Variants in MCTP1 observed in about 807,000 individuals in gnomAD.
The protein encoded by MCTP1 is multiple C2 and transmembrane domain containing 1.
In MCTP1, 69 loss-of-function variants were observed where a neutral mutation model predicts 120.6. The observed-to-expected ratio is 0.57, with a 90% CI of 0.47 to 0.70. MCTP1 has a LOEUF of 0.70. Among genes scored for constraint, MCTP1 ranks in the 30% least tolerant of loss-of-function variants. The pLI is 0.00. For synonymous variants in MCTP1, 529 were observed against 493.1 expected (o/e 1.07, Z -0.96); for missense variants, 1,203 against 1,248.8 (o/e 0.96, Z 0.55).
At chr5:95,275,720 T>G (rs1759773470) in intron 1 of MCTP1, among the ~76,000 whole-genome samples, 1 of 152,160 alleles carries the variant, frequency 6.6e-6, no homozygotes, top group Admixed American at 6.5e-5. Context: ...ATTTTACACT[T>G]ATAGCCCATC....
Position 95,006,605 on chromosome 5 carries a change from T to G in MCTP1, c.838+10762A>C, listed in dbSNP as rs116128977. ...ACTAGCAACATGTTCAATTCATGAT[T>G]TTAGCACAAAAACACAACATGACAG... On this transcript the variant is annotated intron_variant, in intron 2 of 22. Transcript: ENST00000515393. 6.0e-3 allele frequency among the ~76,000 whole-genome samples: 918 copies of G among 152,250 alleles called. 6 individuals carry two copies. Among genetic ancestry groups the G allele is most frequent in the Non-Finnish European group, 0.011 (747 of 68,012 alleles).
At chr5:94,871,033 A>C (rs1333988590) in intron 14 of MCTP1, 60 bp from the exon 15 acceptor site, 2 of 1,363,824 alleles carry the variant, frequency 1.5e-6, no homozygotes, top group African/African-American at 2.9e-5. Flanking sequence ...ACACTCCCTC[A>C]GTGACCTTTG....
At chr5:95,002,270 T>A (rs1375076456) in intron 2 of MCTP1, among the ~76,000 whole-genome samples, 1 of 152,106 alleles carries the variant, frequency 6.6e-6, no homozygotes, top group African/African-American at 2.4e-5. Flanking sequence ...AAATGCGGGG[T>A]TGGAGCCTCG....
chr5:94,851,081 C>T (rs1793593387), intron 17 of MCTP1, among the ~76,000 whole-genome samples: 1 of 152,072 alleles, frequency 6.6e-6, no homozygotes, highest in Non-Finnish European at 1.5e-5. Context: ...ATAAAGGAAT[C>T]TGATTTTCAC....
chr5:95,205,609 G>T (rs1480724958), intron 1 of MCTP1, among the ~76,000 whole-genome samples: 2 of 152,006 alleles, frequency 1.3e-5, no homozygotes, highest in African/African-American at 4.8e-5. Context: ...CTTGTATCTA[G>T]AATATATAAA....
intron 1 of MCTP1, among the ~76,000 whole-genome samples, chr5:95,109,582 G>A (rs1757315459): frequency 6.6e-6 from 1 of 152,090 alleles, no homozygotes; most frequent in South Asian, 2.1e-4. Flanking sequence ...AAGAGACAGA[G>A]CTGGATCATC....
At chr5:95,052,462 T>C (rs1301003140) in intron 1 of MCTP1, among the ~76,000 whole-genome samples, 1 of 152,220 alleles carries the variant, frequency 6.6e-6, no homozygotes, top group Non-Finnish European at 1.5e-5. Context: ...GTATTTTATC[T>C]GGCAATCTTT....
chr5:95,211,090 C>T (rs1319971978), intron 1 of MCTP1, among the ~76,000 whole-genome samples: 1 of 151,878 alleles, frequency 6.6e-6, no homozygotes, highest in African/African-American at 2.4e-5. Flanking sequence ...CGACCTTTCT[C>T]TCTGGCTGCC....
chr5:95,087,726 G>A (rs73140046), intron 1 of MCTP1, among the ~76,000 whole-genome samples: 1 of 152,112 alleles, frequency 6.6e-6, no homozygotes, highest in South Asian at 2.1e-4. Context: ...CTGGGGTAGG[G>A]TGCTAGAGGC....
intron 2 of MCTP1, among the ~76,000 whole-genome samples, chr5:94,969,624 G>C (rs2153573421): frequency 6.6e-6 from 1 of 152,058 alleles, no homozygotes; most frequent in East Asian, 1.9e-4. Context: ...AAAGACAAAA[G>C]AAAAAAAGCA....
rs559903338 is a variant in MCTP1 at position 95,026,904 on chromosome 5, G to C, written c.721-9420C>G. Among the ~76,000 whole-genome samples, 70 of 152,222 alleles carry C rather than the reference G, an allele frequency of 4.6e-4. 1 individual carries two copies. The South Asian group carries it at 0.014, about 31-fold the overall frequency. On this transcript the variant is annotated intron_variant, in intron 1 of 22. Transcript: ENST00000515393. ...TAGCAATGTTGTCAAAGATATCATTGAAGATTTCTACTTAGTCATGACCAG... is the reference window on the plus strand; with the variant it reads ...TAGCAATGTTGTCAAAGATATCATTCAAGATTTCTACTTAGTCATGACCAG...
Position 94,755,672 on chromosome 5 carries a change from A to T in MCTP1, c.2610+23438T>A, listed in dbSNP as rs999584508. 3.3e-5 allele frequency among the ~76,000 whole-genome samples: 5 copies of T among 151,552 alleles called. No individual in the cohort carries two copies. The East Asian group carries it at 9.7e-4, about 29-fold the overall frequency. On this transcript the variant is annotated intron_variant, in intron 19 of 22. Transcript: ENST00000515393. ...GGACCCTTCGGATTCCCCTCCTATC[A>T]CTCTGAAGACTCCTTTTCAGTATAT...
chr5:94,894,766 A>C lies in MCTP1; in HGVS notation c.1722T>G (p.Gly574=), dbSNP rs539820354. 11 of 1,612,084 alleles carry C rather than the reference A, an allele frequency of 6.8e-6. No homozygotes were observed. The East Asian group carries it at 2.2e-4, about 33-fold the overall frequency. Reference sequence around the variant, plus strand: ...TGACCAGCAGCACCAGGTGTCCCTCACCCTCTTCCAGCTGCAACTCCAGCT... The same window carrying C: ...TGACCAGCAGCACCAGGTGTCCCTCCCCCTCTTCCAGCTGCAACTCCAGCT... The part of the protein sequence containing the change: ...THKLELQLEE[G]EGHLVLLVTL... The change falls in exon 11 of 23, where the codon GGT becomes GGG. Residue 574 remains glycine, a synonymous_variant. Transcript: ENST00000515393.
At chr5:95,138,499 C>T (rs975524861) in intron 1 of MCTP1, among the ~76,000 whole-genome samples, 7 of 152,144 alleles carry the variant, frequency 4.6e-5, no homozygotes, top group South Asian at 2.1e-4. Context: ...CTGTTCTTTC[C>T]GTTTAAGTTT....
intron 1 of MCTP1, among the ~76,000 whole-genome samples, chr5:95,021,206 G>A (rs534912417): frequency 6.6e-6 from 1 of 152,034 alleles, no homozygotes; most frequent in East Asian, 1.9e-4. Flanking sequence ...TCCTTGTCAG[G>A]TTGTGAGCAT....
intron 1 of MCTP1, among the ~76,000 whole-genome samples, chr5:95,050,372 C>T (rs1291448795): frequency 1.3e-5 from 2 of 152,116 alleles, no homozygotes; most frequent in East Asian, 3.8e-4. Flanking sequence ...TATAACTTAG[C>T]TGGGATTCCT....
At chr5:94,854,533 G>A (rs940032402) in intron 17 of MCTP1, among the ~76,000 whole-genome samples, 1 of 151,822 alleles carries the variant, frequency 6.6e-6, no homozygotes, top group Non-Finnish European at 1.5e-5. Context: ...ACCTAGTCTG[G>A]TTCCATGTCA....
intron 2 of MCTP1, among the ~76,000 whole-genome samples, chr5:94,956,355 T>C (rs948449317): frequency 1.3e-5 from 2 of 152,172 alleles, no homozygotes; most frequent in Non-Finnish European, 2.9e-5. Flanking sequence ...AGAATGCCTC[T>C]TCTCCTCCAA....
intron 19 of MCTP1, among the ~76,000 whole-genome samples, chr5:94,715,098 T>C (rs1758597894): frequency 2.0e-5 from 3 of 151,982 alleles, no homozygotes; most frequent in Admixed American, 2.0e-4. Flanking sequence ...CTTGTAAAGA[T>C]GGCTGCAAAG....
Sources: gnomAD v4.1 joint callset for allele counts (sites outside exome capture counted in the v4.1 genomes callset) on GRCh38, gnomAD v4.1.1 for gene constraint, MANE v1.5 for transcripts, NCBI Gene and HGNC (gene_info 2026-07-23, HGNC 2026-07-21) for gene names.